CDK12: variants seen among roughly 807,000 people sequenced by gnomAD.
CDK12 encodes the protein cyclin dependent kinase 12.
CDK12 carries 17 observed loss-of-function variants against 133.8 expected under a neutral mutation model. The observed-to-expected ratio is 0.13, with a 90% CI of 0.09 to 0.19. The LOEUF (loss-of-function observed/expected upper bound fraction) is 0.19. Among genes scored for constraint, CDK12 ranks in the 10% least tolerant of loss-of-function variants. The pLI is 1.00. For missense variants in CDK12, 1,508 were observed against 1,818.7 expected (o/e 0.83, Z 3.11); for synonymous variants, 694 against 683.6 (o/e 1.02, Z -0.24).
chr17:39,464,611 A>C (rs1299952877), intron 1 of CDK12, among the ~76,000 whole-genome samples: 1 of 152,026 alleles, frequency 6.6e-6, no homozygotes, highest in Non-Finnish European at 1.5e-5. Context: ...ATCAAGCTGC[A>C]GAGTGTTCCT....
chr17:39,487,792 T>G (rs2051259709), intron 2 of CDK12, among the ~76,000 whole-genome samples: 2 of 151,950 alleles, frequency 1.3e-5, no homozygotes, highest in Admixed American at 1.3e-4. Context: ...TGTATCTTTA[T>G]TTAATAGAGA....
intron 3 of CDK12, among the ~76,000 whole-genome samples, chr17:39,558,324 G>C (rs569495521): frequency 3.3e-5 from 5 of 152,278 alleles, no homozygotes; most frequent in African/African-American, 7.2e-5. Flanking sequence ...CAGGATGGAG[G>C]GGGGAGAGAT....
intron 2 of CDK12, among the ~76,000 whole-genome samples, chr17:39,475,512 C>A (rs945704672): frequency 6.6e-6 from 1 of 150,732 alleles, no homozygotes; most frequent in African/African-American, 2.4e-5. Context: ...AATTCTGCCA[C>A]GTGATGAAAA....
chr17:39,479,305 T>C (rs1347959637), intron 2 of CDK12, among the ~76,000 whole-genome samples: 1 of 94,480 alleles, frequency 1.1e-5, no homozygotes, highest in African/African-American at 3.2e-5. Context: ...CGAGACTCCG[T>C]CTGAAAAAAA....
chr17:39,514,309 A>G (rs2053664718), intron 8 of CDK12, among the ~76,000 whole-genome samples: 1 of 152,246 alleles, frequency 6.6e-6, no homozygotes, highest in South Asian at 2.1e-4. Context: ...AAATTCTAAC[A>G]GAAAAGTGCT....
At chr17:39,505,819 C>T (rs972118323) in intron 6 of CDK12, among the ~76,000 whole-genome samples, 5 of 152,070 alleles carry the variant, frequency 3.3e-5, no homozygotes, top group African/African-American at 7.2e-5. Flanking sequence ...TTCTATAAAG[C>T]GTACTGCAGG....
intron 6 of CDK12, among the ~76,000 whole-genome samples, chr17:39,502,140 G>T (rs2052760550): frequency 6.7e-6 from 1 of 150,104 alleles, no homozygotes; most frequent in Admixed American, 6.7e-5. Flanking sequence ...ACCGCACCTG[G>T]CATACTAGTT....
chr17:39,506,421 G>C (rs1345109626), intron 6 of CDK12, among the ~76,000 whole-genome samples: 1 of 151,498 alleles, frequency 6.6e-6, no homozygotes, highest in Admixed American at 6.6e-5. Context: ...CACCATGTTG[G>C]CCAGGCTGGG....
chr17:39,479,613 T>TTGTTC (rs2050477888), intron 2 of CDK12, among the ~76,000 whole-genome samples: 1 of 151,894 alleles, frequency 6.6e-6, no homozygotes, highest in Non-Finnish European at 1.5e-5. Flanking sequence ...CTGTTTTTTT[T>TTGTTC]TGTTTTGTTT....
intron 1 of CDK12, 64 bp downstream of exon 1, chr17:39,463,181 G>C: frequency 7.0e-7 from 1 of 1,426,738 alleles, no homozygotes; most frequent in Non-Finnish European, 9.7e-7. Flanking sequence ...GGCATTCAGC[G>C]TGTTAACATT....
chr17:39,501,355 A>G lies in CDK12; in HGVS notation c.2525A>G (p.Gln842Arg). The change falls in exon 6 of 14, where the codon CAG becomes CGG. Residue 842 changes from glutamine to arginine, a missense_variant. By Grantham distance (43) the Gln-to-Arg change is conservative (BLOSUM62 1). This residue lies in a region of CDK12 where 21 missense variants were observed against 17.6 expected (regional missense o/e 1.19). Coordinates refer to ENST00000447079, the MANE Select transcript of CDK12 (RefSeq NM_016507.4). Reference protein sequence around the residue: ...SEDHIKSFMKQLMEGLEYCHK... With the variant: ...SEDHIKSFMKRLMEGLEYCHK... ...GACCATATCAAGTCGTTCATGAAAC[A>G]GCTAATGGAAGGATTGGAATACTGT... The G allele has an allele frequency of 6.2e-7, 1 of 1,613,826 alleles. No homozygotes were observed. Among genetic ancestry groups the G allele is most frequent in the Non-Finnish European group, 8.5e-7 (1 of 1,179,800 alleles).
At chr17:39,472,534 C>T (rs1417446607) in intron 2 of CDK12, among the ~76,000 whole-genome samples, 1 of 151,668 alleles carries the variant, frequency 6.6e-6, no homozygotes, top group Non-Finnish European at 1.5e-5. Context: ...ATTAGCTGGG[C>T]GTGGTGGTGG....
chr17:39,524,735 A>C lies in CDK12; in HGVS notation c.3157A>C (p.Ser1053Arg). The C allele has an allele frequency of 6.2e-7, 1 of 1,614,180 alleles. No individual in the cohort carries two copies. Among genetic ancestry groups the C allele is most frequent in the South Asian group, 1.1e-5 (1 of 91,088 alleles). ...TAAGAAACGGCGACGTCAGCGACAA[A>C]GTGGTGTTGTAGTCGAAGAGCCACC... is the stretch of plus-strand genomic sequence containing the variant. ...WSKKRRRQRQ[S>R]GVVVEEPPPS... The change falls in exon 12 of 14, where the codon AGT becomes CGT. Residue 1053 changes from serine to arginine, a missense_variant. Ser to Arg is a moderately radical substitution (Grantham distance 110). Coordinates refer to ENST00000447079, the MANE Select transcript of CDK12 (RefSeq NM_016507.4).
At chr17:39,548,175 G>A (rs898648860), upstream of CDK12, among the ~76,000 whole-genome samples, 1 of 152,086 alleles carries the variant, frequency 6.6e-6, no homozygotes, top group South Asian at 2.1e-4. Flanking sequence ...CTCCAAAACA[G>A]GGGTCAGAAA....
chr17:39,468,579 G>A (rs977287858), intron 1 of CDK12, among the ~76,000 whole-genome samples: 2 of 151,714 alleles, frequency 1.3e-5, no homozygotes, highest in African/African-American at 4.8e-5. Flanking sequence ...AGGTTCAAGC[G>A]GTTCTCCTGC....
chr17:39,508,997 C>A (rs374866136), intron 6 of CDK12, among the ~76,000 whole-genome samples: 470 of 120,566 alleles, frequency 3.9e-3, no homozygotes, highest in South Asian at 5.2e-3. Flanking sequence ...GACTCTGTCT[C>A]AAAAAAAAAA....
intron 6 of CDK12, among the ~76,000 whole-genome samples, chr17:39,501,712 A>G (rs2052729767): frequency 6.6e-6 from 1 of 152,204 alleles, no homozygotes; most frequent in Non-Finnish European, 1.5e-5. Flanking sequence ...TTAATAGCGT[A>G]AACAAACAGG....
intron 3 of CDK12, among the ~76,000 whole-genome samples, chr17:39,557,383 A>T (rs144319520): frequency 3.7e-4 from 57 of 152,298 alleles, no homozygotes; most frequent in Non-Finnish European, 6.9e-4. Context: ...TCTCCTACAC[A>T]TCTTCTAGTT....
At position 39,562,908 on chromosome 17, in the gene CDK12, T is replaced by C. The variant is rs546891385; in HGVS notation, n.485-1852T>C. ...TTTTTTTTCTTTTTCTTTTCTTTTT[T>C]TTTTTTTTTTTTTTTTACAACTTAA... is the stretch of plus-strand genomic sequence containing the variant. On this transcript the variant is annotated intron_variant and non_coding_transcript_variant, in intron 3 of 3. Transcript: ENST00000558240. 8.7e-3 allele frequency among the ~76,000 whole-genome samples: 1,271 copies of C among 146,844 alleles called. 18 individuals carry two copies. The highest frequency in any genetic ancestry group is 0.03 in the African/African-American group (1,189 of 40,076).
Sources: allele counts gnomAD v4.1 joint callset (sites outside exome capture counted in the v4.1 genomes callset), GRCh38; gene constraint gnomAD v4.1.1; regional missense constraint gnomAD v4.1.1; transcripts MANE v1.5; gene names NCBI Gene and HGNC (gene_info 2026-07-23, HGNC 2026-07-21).